Variants in PPM1L observed in about 807,000 individuals in gnomAD.
PPM1L encodes the protein protein phosphatase, Mg2+/Mn2+ dependent 1L.
PPM1L carries 13 observed loss-of-function variants against 31.4 expected under a neutral mutation model. That is an observed-to-expected ratio of 0.41 (90% CI 0.27 to 0.66). The LOEUF is 0.66. PPM1L is among the 30% of genes least tolerant of loss of function. The probability of loss-of-function intolerance (pLI) is 0.29; values close to 1 mark genes in which losing one functional copy is unlikely to be tolerated. For synonymous variants in PPM1L, 184 were observed against 175.4 expected (o/e 1.05, Z -0.39); for missense variants, 326 against 453.7 (o/e 0.72, Z 2.56).
chr3:160,823,918 CT>C (rs1390225959), intron 1 of PPM1L, among the ~76,000 whole-genome samples: 2 of 152,088 alleles, frequency 1.3e-5, no homozygotes, highest in African/African-American at 4.8e-5. Context: ...TGTAAATTGG[CT>C]TATTTGAATC....
At chr3:160,931,592 G>A (rs1714790382) in intron 1 of PPM1L, among the ~76,000 whole-genome samples, 1 of 152,214 alleles carries the variant, frequency 6.6e-6, no homozygotes, top group Admixed American at 6.5e-5. Flanking sequence ...GAAGAGCAGG[G>A]ATCTCCTAAC....
At chr3:160,851,826 G>T (rs905315603) in intron 1 of PPM1L, among the ~76,000 whole-genome samples, 1 of 152,132 alleles carries the variant, frequency 6.6e-6, no homozygotes, top group Non-Finnish European at 1.5e-5. Context: ...CTGTTACTCC[G>T]TAGTGACCCT....
intron 1 of PPM1L, among the ~76,000 whole-genome samples, chr3:160,838,130 A>G (rs1194850188): frequency 6.6e-6 from 1 of 152,166 alleles, no homozygotes; most frequent in East Asian, 1.9e-4. Context: ...ATAATTTAAC[A>G]TTGGACTCCA....
intron 1 of PPM1L, among the ~76,000 whole-genome samples, chr3:160,897,894 C>G (rs145412755): frequency 3.3e-5 from 5 of 152,296 alleles, no homozygotes; most frequent in African/African-American, 1.2e-4. Context: ...TTAGCAAGAC[C>G]CTTTCTTTTC....
rs538655696 is a variant in PPM1L at position 160,762,867 on chromosome 3, T to A, written c.399+6160T>A. 2.0e-4 allele frequency among the ~76,000 whole-genome samples: 31 copies of A among 152,348 alleles called. 1 individual carries two copies. In the South Asian group the frequency reaches 6.4e-3, roughly 32 times the overall value. On this transcript the variant is annotated intron_variant, in intron 1 of 3. Coordinates refer to ENST00000498165, the MANE Select transcript of PPM1L (RefSeq NM_139245.4). ...ATCATTCTAGAAGCTCATTCATTAT[T>A]TTTTTCCATATTCAAGTACCCTCTG...
chr3:161,001,529 C>T (rs1030885543), intron 2 of PPM1L, among the ~76,000 whole-genome samples: 1 of 152,114 alleles, frequency 6.6e-6, no homozygotes, highest in African/African-American at 2.4e-5. Context: ...AATTCGCCCC[C>T]CAAAGTGCTG....
intron 2 of PPM1L, among the ~76,000 whole-genome samples, chr3:161,046,501 A>G (rs1400734686): frequency 6.6e-6 from 1 of 152,170 alleles, no homozygotes. Context: ...GCCGAATTCT[A>G]CCAGAGGTAC....
Position 160,756,704 on chromosome 3 carries a change from A to AGAGGTAGG in PPM1L, c.397_399+5dup, listed in dbSNP as rs754653849. The stretch of plus-strand genomic sequence containing the variant: ...TCGGGATCTTCGACGGGCACGGGGG[A>AGAGGTAGG]GAGGTAGGAGCTACCCCGGGGCTTT... On this transcript the variant is annotated frameshift_variant, in exon 1 of 4. Transcript: ENST00000498165. LOFTEE classifies it high-confidence loss of function. The surrounding 1 kb of genome is among the most constrained non-coding windows in gnomAD (Gnocchi z 6.2). 2.5e-6 allele frequency: 4 copies of AGAGGTAGG among 1,612,284 alleles called. No individual in the cohort carries two copies. The highest frequency in any genetic ancestry group is 3.4e-6 in the Non-Finnish European group (4 of 1,179,566).
At chr3:160,780,500 T>C (rs10513553) in intron 1 of PPM1L, among the ~76,000 whole-genome samples, 58,234 of 151,954 alleles carry the variant, frequency 0.38, 12,081 homozygotes, top group East Asian at 0.59. Flanking sequence ...CAGACTTCTG[T>C]GGAATTATAA....
At chr3:160,788,921 CTT>C (rs1261275629) in intron 1 of PPM1L, among the ~76,000 whole-genome samples, 1 of 151,784 alleles carries the variant, frequency 6.6e-6, no homozygotes, top group Non-Finnish European at 1.5e-5. Flanking sequence ...ATTACTATAA[CTT>C]TACAATATTT....
Position 160,756,239 on chromosome 3 carries a change from A to G in PPM1L, c.-70A>G. On this transcript the variant is annotated 5_prime_UTR_variant, in exon 1 of 4. Coordinates refer to ENST00000498165, the MANE Select transcript of PPM1L (RefSeq NM_139245.4). This position sits in a 1 kb window ranked among gnomAD's most constrained non-coding sequence, Gnocchi z 6.2. ...CTCCCTCCCGGCGGGCTGTCCCCGC[A>G]GTGCTCCCGGACCCGGCGAGCCTTC... 2.0e-6 allele frequency: 3 copies of G among 1,529,802 alleles called. No homozygotes were observed. The Admixed American group carries it at 5.4e-5, about 28-fold the overall frequency. 94.8% of individuals were successfully genotyped at this position (1,529,802 alleles called of 1,614,324 possible). A position where few individuals can be genotyped will look rare whatever the true frequency, so the allele number is the denominator to read the frequency against.
At chr3:160,904,183 C>T (rs930011506) in intron 1 of PPM1L, among the ~76,000 whole-genome samples, 11 of 152,082 alleles carry the variant, frequency 7.2e-5, no homozygotes, top group Admixed American at 5.2e-4. Context: ...AAGTTTTCTA[C>T]GTGAACCAAG....
intron 1 of PPM1L, among the ~76,000 whole-genome samples, chr3:160,785,287 A>G (rs1471863437): frequency 1.2e-4 from 18 of 152,158 alleles, no homozygotes; most frequent in Non-Finnish European, 2.9e-5. Context: ...TAAGTGTTGT[A>G]TAAGAAATAA....
intron 1 of PPM1L, among the ~76,000 whole-genome samples, chr3:160,785,833 T>G (rs948852554): frequency 8.4e-6 from 1 of 118,830 alleles, no homozygotes; most frequent in African/African-American, 3.2e-5. Context: ...CGGTGCACTG[T>G]TTTTTTTTTT....
chr3:160,836,654 G>T (rs186830057), intron 1 of PPM1L, among the ~76,000 whole-genome samples: 12 of 152,304 alleles, frequency 7.9e-5, no homozygotes, highest in African/African-American at 2.9e-4. Context: ...TTCCTGCCTT[G>T]TATATTGGTA....
intron 2 of PPM1L, among the ~76,000 whole-genome samples, chr3:160,973,763 T>TG (rs1491250480): frequency 2.5e-5 from 2 of 81,152 alleles, no homozygotes; most frequent in African/African-American, 1.3e-4. Flanking sequence ...TGAAAGGCCC[T>TG]GTTTTTTTTT....
intron 1 of PPM1L, among the ~76,000 whole-genome samples, chr3:160,837,941 G>A (rs1272164788): frequency 2.0e-5 from 3 of 152,130 alleles, no homozygotes; most frequent in Admixed American, 2.0e-4. Context: ...ACTGGGCCCT[G>A]CAAATTATGT....
Position 161,013,696 on chromosome 3 carries a change from A to G in PPM1L, c.575-51707A>G, listed in dbSNP as rs536454798. Among the ~76,000 whole-genome samples the G allele has an allele frequency of 3.8e-4, 58 of 152,216 alleles. 1 individual carries two copies. In the South Asian group the frequency reaches 0.01, roughly 27 times the overall value. ...AGGTCTCTAAGGACTTGCTTTATGA[A>G]TCTGGGTGCTCCTGTATTGAGTGCA... is the stretch of plus-strand genomic sequence containing the variant. On this transcript the variant is annotated intron_variant, in intron 2 of 3. Transcript: ENST00000498165.
intron 2 of PPM1L, among the ~76,000 whole-genome samples, chr3:161,008,854 G>A (rs113044558): frequency 0.025 from 3,815 of 152,262 alleles, 85 homozygotes; most frequent in South Asian, 0.044. Flanking sequence ...GGTCAAGTAG[G>A]CAATTAGATA....
Sources: gnomAD v4.1 joint callset for allele counts (sites outside exome capture counted in the v4.1 genomes callset) on GRCh38, gnomAD v4.1.1 for gene constraint, Gnocchi (gnomAD v3.1) non-coding constraint, MANE v1.5 for transcripts, NCBI Gene and HGNC (gene_info 2026-07-23, HGNC 2026-07-21) for gene names.